The following YAE1 variants were observed in gnomAD, a reference collection of about 807,000 sequenced individuals.
YAE1 encodes YAE1 maturation factor of ABCE1.
YAE1 carries 22 observed loss-of-function variants against 23.0 expected under a neutral mutation model. The observed-to-expected ratio is 0.96, with a 90% confidence interval of 0.68 to 1.37. The LOEUF (loss-of-function observed/expected upper bound fraction) is 1.37. Ranked by LOEUF, YAE1 falls within the 40% of genes most tolerant of loss-of-function variation. The pLI, the probability that YAE1 is intolerant of heterozygous loss-of-function variation, is 0.00. For synonymous variants in YAE1, 101 were observed against 97.0 expected, an observed-to-expected ratio of 1.04 and a Z score of -0.24; for missense variants, 260 against 262.1, an observed-to-expected ratio of 0.99 and a Z score of 0.06.
intron 2 of YAE1, among the ~76,000 whole-genome samples, chr7:39,601,735 GA>G (rs936950146): frequency 9.5e-5 from 14 of 147,484 alleles, no homozygotes; most frequent in African/African-American, 3.3e-4. Context: ...CTCCAGCCTG[GA>G]TGACAGAGCC....
At chr7:39,607,939 G>A (rs527322077) in intron 2 of YAE1, among the ~76,000 whole-genome samples, 23 of 152,218 alleles carry the variant, frequency 1.5e-4, no homozygotes, top group Non-Finnish European at 2.9e-4. Flanking sequence ...AAAGTGTTGG[G>A]ATTACAGGAG....
At chr7:39,588,984 G>T (rs1175127609) in intron 2 of YAE1, among the ~76,000 whole-genome samples, 1 of 151,718 alleles carries the variant, frequency 6.6e-6, no homozygotes, top group Non-Finnish European at 1.5e-5. Flanking sequence ...TACCACACCC[G>T]GATTATTTTT....
chr7:39,611,962 T>G (rs1791226092), downstream of YAE1, among the ~76,000 whole-genome samples: 1 of 152,252 alleles, frequency 6.6e-6, no homozygotes, highest in African/African-American at 2.4e-5. Flanking sequence ...AATATTCATA[T>G]TCAAAGATTC....
intron 2 of YAE1, among the ~76,000 whole-genome samples, chr7:39,587,983 A>G (rs912679940): frequency 5.9e-5 from 9 of 152,300 alleles, no homozygotes; most frequent in South Asian, 2.1e-4. Context: ...TTCTTGGCCA[A>G]TTGGCTCCAA....
At chr7:39,575,320 G>A (rs1289306233), downstream of YAE1, among the ~76,000 whole-genome samples, 1 of 152,154 alleles carries the variant, frequency 6.6e-6, no homozygotes, top group African/African-American at 2.4e-5. Context: ...TACTAGAACT[G>A]CTGAGGCCAC....
At chr7:39,577,226 T>C (rs1790667926), downstream of YAE1, among the ~76,000 whole-genome samples, 1 of 152,248 alleles carries the variant, frequency 6.6e-6, no homozygotes. Context: ...ATGTTTATCT[T>C]CATTTTGCAT....
chr7:39,568,641 A>T (rs1790514126), intron 1 of YAE1, among the ~76,000 whole-genome samples: 1 of 152,248 alleles, frequency 6.6e-6, no homozygotes, highest in South Asian at 2.1e-4. Context: ...ACAACAAAAA[A>T]TGCTGTTTAC....
chr7:39,579,092 T>C (rs557293462), intron 2 of YAE1, among the ~76,000 whole-genome samples: 18 of 152,158 alleles, frequency 1.2e-4, no homozygotes, highest in Non-Finnish European at 8.8e-5. Context: ...GGGGAAGTAA[T>C]GGTTAACGCA....
intron 2 of YAE1, among the ~76,000 whole-genome samples, chr7:39,590,111 G>C (rs553914379): frequency 4.6e-4 from 70 of 152,254 alleles, no homozygotes; most frequent in African/African-American, 1.5e-3. Flanking sequence ...AATCATAAGA[G>C]TGTATACATA....
chr7:39,597,753 C>G (rs11983705), intron 2 of YAE1, among the ~76,000 whole-genome samples: 21,595 of 151,958 alleles, frequency 0.14, 3,985 homozygotes, highest in African/African-American at 0.43. Flanking sequence ...AGAACTTAAC[C>G]CCATCCTTTC....
chr7:39,581,380 T>C (rs1562591973), intron 2 of YAE1, among the ~76,000 whole-genome samples: 1 of 152,212 alleles, frequency 6.6e-6, no homozygotes, highest in African/African-American at 2.4e-5. Flanking sequence ...GATTTGACAA[T>C]AGTATAATGA....
In YAE1 at chr7:39,572,567, C is replaced by A; in HGVS notation, c.542C>A (p.Ser181Ter). 3 of 1,614,046 alleles carry A rather than the reference C, an allele frequency of 1.9e-6. No individual in the cohort carries two copies. In the South Asian group the frequency reaches 3.3e-5, roughly 18 times the overall value. ...AAGAGCCATAGTGGGATAGATTGTT[C>A]ATATGTAGAATGTTGTAGAACACAG... ...CSKSHSGIDC[S>*]YVECCRTQEH... The change falls in exon 3 of 3, where the codon TCA becomes TAA. Residue 181 changes from serine (S) to a stop codon, truncating the protein, a stop_gained. Coordinates refer to ENST00000223273, the MANE Select transcript of YAE1 (RefSeq NM_020192.5). LOFTEE classifies it high-confidence loss of function.
intron 2 of YAE1, among the ~76,000 whole-genome samples, chr7:39,584,048 C>T (rs1284170054): frequency 1.3e-5 from 2 of 152,070 alleles, no homozygotes; most frequent in African/African-American, 4.8e-5. Flanking sequence ...TTTACACAAC[C>T]GCTATCATGA....
chr7:39,604,446 C>T (rs1791100761), intron 2 of YAE1, among the ~76,000 whole-genome samples: 1 of 152,110 alleles, frequency 6.6e-6, no homozygotes, highest in African/African-American at 2.4e-5. Flanking sequence ...AAGTCGATAC[C>T]TAACAAAATC....
At chr7:39,574,090 A>G (rs1156657338), downstream of YAE1, among the ~76,000 whole-genome samples, 1 of 151,932 alleles carries the variant, frequency 6.6e-6, no homozygotes, top group Non-Finnish European at 1.5e-5. Flanking sequence ...ATGCATCTCA[A>G]GGCCACCCTA....
rs1026071378 is a variant in YAE1 at position 39,605,366 on chromosome 7, A to G, written c.252-4251A>G. ...GAGGTTGGTGCTGGATGACATTAAC[A>G]TTTGAATCAGAAGATTGAATAAAGC... On this transcript the variant is annotated intron_variant, in intron 2 of 2. Transcript: ENST00000432096. Among the ~76,000 whole-genome samples the G allele has an allele frequency of 3.3e-5, 5 of 152,232 alleles. No individual in the cohort carries two copies. In the South Asian group the frequency reaches 1.0e-3, roughly 31 times the overall value.
chr7:39,599,372 T>TTTTTG, intron 2 of YAE1, among the ~76,000 whole-genome samples: 1 of 151,792 alleles, frequency 6.6e-6, no homozygotes, highest in Non-Finnish European at 1.5e-5. Flanking sequence ...TTTGTTTTGT[T>TTTTTG]TTTTTGTTTT....
At chr7:39,589,496 C>T (rs1790870308) in intron 2 of YAE1, among the ~76,000 whole-genome samples, 2 of 152,068 alleles carry the variant, frequency 1.3e-5, no homozygotes, top group Admixed American at 6.6e-5. Flanking sequence ...TGAGCTCAAG[C>T]AATCCTCCTA....
intron 2 of YAE1, among the ~76,000 whole-genome samples, chr7:39,597,578 G>A (rs1358611622): frequency 6.6e-6 from 1 of 152,074 alleles, no homozygotes; most frequent in East Asian, 1.9e-4. Flanking sequence ...TTAGACTCTG[G>A]GGAAAAATAT....
Sources: gnomAD v4.1 joint callset for allele counts (sites outside exome capture counted in the v4.1 genomes callset) on GRCh38, gnomAD v4.1.1 for gene constraint, MANE v1.5 for transcripts, NCBI Gene and HGNC (gene_info 2026-07-23, HGNC 2026-07-21) for gene names.